The following TTC28 variants were observed in gnomAD, a reference collection of about 807,000 sequenced individuals.
TTC28 encodes tetratricopeptide repeat domain 28.
TTC28 carries 61 observed loss-of-function variants against 198.0 expected under a neutral mutation model. The ratio of observed to expected loss-of-function variants is 0.31; its 90% CI spans 0.25 to 0.38. The LOEUF is 0.38. Among genes scored for constraint, TTC28 ranks in the 10% least tolerant of loss-of-function variants. The pLI is 1.00. For synonymous variants in TTC28, 1,171 were observed against 1,297.8 expected (o/e 0.90, Z 2.10); for missense variants, 2,678 against 3,164.0 (o/e 0.85, Z 3.69).
intron 2 of TTC28, among the ~76,000 whole-genome samples, chr22:28,391,088 C>T (rs2046711166): frequency 1.3e-5 from 2 of 151,990 alleles, no homozygotes; most frequent in Admixed American, 6.6e-5. Context: ...TTTTATTTCT[C>T]CTTCACTTAT....
chr22:28,304,964 TTTATTTA>T (rs1299775094), intron 3 of TTC28, among the ~76,000 whole-genome samples: 4 of 141,874 alleles, frequency 2.8e-5, no homozygotes, highest in African/African-American at 1.0e-4. Context: ...TCAGAGTTTG[TTTATTTA>T]TTATTTATTT....
Position 28,329,890 on chromosome 22 carries a change from T to C in TTC28, c.382-23247A>G, listed in dbSNP as rs180893810. Among the ~76,000 whole-genome samples the C allele has an allele frequency of 1.9e-3, 297 of 152,330 alleles. 1 individual carries two copies. Among genetic ancestry groups the C allele is most frequent in the Middle Eastern group, 6.8e-3 (2 of 294 alleles). On this transcript the variant is annotated intron_variant, in intron 2 of 22. Coordinates refer to ENST00000397906, the MANE Select transcript of TTC28 (RefSeq NM_001145418.2). ...TTACCCAAGAGTCAAGTGACGATGG[T>C]GGAGAACAAATCTCTCTTCTCCTGA... is the stretch of plus-strand genomic sequence containing the variant.
At chr22:28,171,653 T>G (rs1030488293) in intron 5 of TTC28, among the ~76,000 whole-genome samples, 2 of 151,660 alleles carry the variant, frequency 1.3e-5, no homozygotes, top group Admixed American at 1.3e-4. Flanking sequence ...CCATATTGTT[T>G]TAAGTTGCTT....
At chr22:28,658,593 T>G (rs2145690628) in intron 1 of TTC28, among the ~76,000 whole-genome samples, 2 of 152,322 alleles carry the variant, frequency 1.3e-5, no homozygotes, top group Middle Eastern at 6.8e-3. Context: ...GATGAAGAGT[T>G]ATAGAGATGG....
intron 2 of TTC28, among the ~76,000 whole-genome samples, chr22:28,461,643 C>T (rs1302183461): frequency 2.0e-5 from 3 of 152,078 alleles, no homozygotes; most frequent in Admixed American, 6.6e-5. Flanking sequence ...TGGCCAGGCT[C>T]GTCTCGAACT....
intron 2 of TTC28, among the ~76,000 whole-genome samples, chr22:28,542,462 C>T (rs2049435350): frequency 6.6e-6 from 1 of 152,052 alleles, no homozygotes; most frequent in Admixed American, 6.6e-5. Context: ...CTCTATGAAC[C>T]TAAACCAGGA....
chr22:28,589,793 A>G (rs1257749301), intron 2 of TTC28, among the ~76,000 whole-genome samples: 1 of 151,982 alleles, frequency 6.6e-6, no homozygotes, highest in Non-Finnish European at 1.5e-5. Context: ...TAATCCTAGC[A>G]CTTTGGGAGG....
At chr22:28,331,119 G>A (rs1464947984) in intron 2 of TTC28, among the ~76,000 whole-genome samples, 1 of 152,076 alleles carries the variant, frequency 6.6e-6, no homozygotes. Flanking sequence ...ACCTTCACAC[G>A]AGTAATCTTA....
intron 2 of TTC28, among the ~76,000 whole-genome samples, chr22:28,497,693 A>G (rs1266506466): frequency 6.6e-6 from 1 of 152,196 alleles, no homozygotes; most frequent in African/African-American, 2.4e-5. Context: ...TAGGTGTTAG[A>G]TACAAGAGGT....
chr22:28,425,586 A>G (rs1370860677), intron 2 of TTC28, among the ~76,000 whole-genome samples: 1 of 152,232 alleles, frequency 6.6e-6, no homozygotes. Flanking sequence ...TAATGAAAAC[A>G]TGTTGAATCA....
intron 5 of TTC28, among the ~76,000 whole-genome samples, chr22:28,171,426 G>C (rs1389243274): frequency 6.6e-6 from 1 of 152,078 alleles, no homozygotes; most frequent in Non-Finnish European, 1.5e-5. Context: ...TAACAATGAG[G>C]GGATGCTGTC....
At chr22:28,653,217 C>A (rs541278390) in intron 1 of TTC28, among the ~76,000 whole-genome samples, 18 of 152,114 alleles carry the variant, frequency 1.2e-4, no homozygotes, top group African/African-American at 3.6e-4. Context: ...AATAAACATA[C>A]CATATGCTGA....
chr22:28,028,708 C>T (rs1938945080), intron 13 of TTC28: 1 of 250,738 alleles, frequency 4.0e-6, no homozygotes, highest in African/African-American at 2.3e-5. Context: ...AAAGTTTCTC[C>T]ACCCATGTTA....
At chr22:28,268,180 G>A (rs1321663630) in intron 5 of TTC28, among the ~76,000 whole-genome samples, 2 of 152,064 alleles carry the variant, frequency 1.3e-5, no homozygotes, top group African/African-American at 2.4e-5. Context: ...CAACTTTTTC[G>A]ATTTAACTAA....
intron 5 of TTC28, among the ~76,000 whole-genome samples, chr22:28,223,789 A>AT (rs1928067037): frequency 6.6e-6 from 1 of 152,232 alleles, no homozygotes; most frequent in East Asian, 1.9e-4. Context: ...CTAAATTAAT[A>AT]TAGTAAAGTT....
chr22:28,584,982 T>A (rs1321106828), intron 2 of TTC28, among the ~76,000 whole-genome samples: 1 of 152,184 alleles, frequency 6.6e-6, no homozygotes, highest in African/African-American at 2.4e-5. Context: ...TATAGACTAT[T>A]CTTTTAAGAA....
intron 2 of TTC28, among the ~76,000 whole-genome samples, chr22:28,378,649 A>C (rs115619833): frequency 0.024 from 3,632 of 152,228 alleles, 167 homozygotes; most frequent in African/African-American, 0.083. Flanking sequence ...TGTGTCAAAA[A>C]AACAACAACA....
chr22:28,659,351 C>T (rs2051707400), intron 1 of TTC28, among the ~76,000 whole-genome samples: 1 of 152,120 alleles, frequency 6.6e-6, no homozygotes, highest in Admixed American at 6.6e-5. Flanking sequence ...TCATTGCAAC[C>T]TCCGCCTCCC....
intron 2 of TTC28, among the ~76,000 whole-genome samples, chr22:28,327,013 C>T (rs1414852632): frequency 7.0e-6 from 1 of 142,338 alleles, no homozygotes; most frequent in Middle Eastern, 3.4e-3. Context: ...CACACACACA[C>T]ACAGCAAGCC....
Sources: gnomAD v4.1 joint callset for allele counts (sites outside exome capture counted in the v4.1 genomes callset) on GRCh38, gnomAD v4.1.1 for gene constraint, MANE v1.5 for transcripts, NCBI Gene and HGNC (gene_info 2026-07-23, HGNC 2026-07-21) for gene names.